The following LAMA1 variants were observed in gnomAD, a reference collection of about 807,000 sequenced individuals.
The protein encoded by LAMA1 is laminin subunit alpha-1.
LAMA1 carries 219 observed loss-of-function variants against 348.7 expected under a neutral mutation model. The observed-to-expected ratio is 0.63, with a 90% CI of 0.56 to 0.70. The LOEUF (loss-of-function observed/expected upper bound fraction) is 0.70, where lower values mean the gene tolerates loss of function less well. LAMA1 is among the 30% of genes least tolerant of loss of function. LAMA1 has a pLI of 0.00. For synonymous variants in LAMA1, 1,487 were observed against 1,491.0 expected, an observed-to-expected ratio of 1.00 and a Z score of 0.06; for missense variants, 3,744 against 3,888.0, an observed-to-expected ratio of 0.96 and a Z score of 0.99.
At chr18:6,948,718 AAGTT>A (rs1166864727) in intron 59 of LAMA1, among the ~76,000 whole-genome samples, 162 bp from the exon 60 acceptor site, 5 of 152,222 alleles carry the variant, frequency 3.3e-5, no homozygotes, top group Admixed American at 3.3e-4. Flanking sequence ...ATGAATGTCT[AAGTT>A]AGAGCTACCA....
At chr18:6,994,554 A>G (rs1234231012) in intron 34 of LAMA1, among the ~76,000 whole-genome samples, 1 of 152,162 alleles carries the variant, frequency 6.6e-6, no homozygotes, top group Non-Finnish European at 1.5e-5. Flanking sequence ...TTTCCAAAAC[A>G]TCGTTAATTC....
At chr18:6,995,029 T>C (rs2057774961) in intron 34 of LAMA1, among the ~76,000 whole-genome samples, 1 of 152,162 alleles carries the variant, frequency 6.6e-6, no homozygotes, top group Non-Finnish European at 1.5e-5. Context: ...TGAATGAATT[T>C]AGGAGAAGGA....
rs756589179 is a variant in LAMA1, at chr18:6,965,419, G to C, written c.7064C>G (p.Ser2355Cys). ...CACTCTGCCACGAAACAGCTCGATG[G>C]ATAAAAAGTCTTTCTGTAAAAAAGA... ...LGSYGTKDFL[S>C]IELFRGRVKV... Residue 2355 changes from serine (S) to cysteine (C), a missense_variant, in exon 50 of 63, where the codon TCC becomes TGC. Ser to Cys is a moderately radical substitution (Grantham distance 112, BLOSUM62 -1). Transcript: ENST00000389658. 2 of 1,614,002 alleles carry C rather than the reference G, an allele frequency of 1.2e-6. No homozygotes were observed. Among genetic ancestry groups the C allele is most frequent in the East Asian group, 2.2e-5 (1 of 44,890 alleles).
chr18:7,041,876 T>A (rs567110905), intron 9 of LAMA1, among the ~76,000 whole-genome samples: 3 of 152,200 alleles, frequency 2.0e-5, no homozygotes, highest in African/African-American at 7.2e-5. Flanking sequence ...TTTATGTCCA[T>A]GACACTACCT....
At chr18:7,088,283 G>A (rs2058225699) in intron 1 of LAMA1, among the ~76,000 whole-genome samples, 1 of 151,972 alleles carries the variant, frequency 6.6e-6, no homozygotes, top group Non-Finnish European at 1.5e-5. Context: ...TATTGTTCTT[G>A]CTGCTGTTGG....
At chr18:6,967,762 G>C (rs1422118990) in intron 48 of LAMA1, among the ~76,000 whole-genome samples, 1 of 151,970 alleles carries the variant, frequency 6.6e-6, no homozygotes, top group East Asian at 1.9e-4. Flanking sequence ...AATTTGTCTT[G>C]GTCCTCAGTG....
At chr18:6,975,798 T>TA (rs2057678944) in intron 45 of LAMA1, 139 bp downstream of exon 45, 1 of 993,354 alleles carries the variant, frequency 1.0e-6, no homozygotes, top group Non-Finnish European at 1.5e-6. Context: ...ATGCTACCAT[T>TA]TTAACAAAGG....
intron 3 of LAMA1, among the ~76,000 whole-genome samples, chr18:7,070,395 C>T (rs1188792132): frequency 2.0e-5 from 3 of 152,156 alleles, no homozygotes; most frequent in East Asian, 1.9e-4. Flanking sequence ...AATTTAGATG[C>T]AATTCTTGCA....
At chr18:7,047,076 G>A (rs1185521317) in intron 5 of LAMA1, among the ~76,000 whole-genome samples, 10 of 145,246 alleles carry the variant, frequency 6.9e-5, no homozygotes, top group African/African-American at 1.8e-4. Context: ...ACAGAGTCTC[G>A]GTCTATCACC....
chr18:7,041,534 C>A (rs1352480906), intron 9 of LAMA1, among the ~76,000 whole-genome samples: 4 of 152,166 alleles, frequency 2.6e-5, no homozygotes, highest in Non-Finnish European at 2.9e-5. Flanking sequence ...GATGGGGTCA[C>A]AAGAGTCTTT....
intron 6 of LAMA1, among the ~76,000 whole-genome samples, 193 bp from the exon 7 acceptor site, chr18:7,045,032 A>G (rs1000046772): frequency 8.5e-5 from 13 of 152,210 alleles, no homozygotes; most frequent in Admixed American, 6.6e-4. Flanking sequence ...TACAAACAGA[A>G]ATGAAGAGGA....
chr18:6,972,015 T>C, intron 47 of LAMA1, 34 bp from the exon 48 acceptor site: 6 of 1,611,650 alleles, frequency 3.7e-6, no homozygotes, highest in South Asian at 1.1e-5. Flanking sequence ...ATAACCAATA[T>C]ATAAGCTGAC....
At chr18:6,949,493 C>G (rs536660785) in intron 58 of LAMA1, among the ~76,000 whole-genome samples, 1 of 152,302 alleles carries the variant, frequency 6.6e-6, no homozygotes, top group East Asian at 1.9e-4. Context: ...TGAAAGAAAT[C>G]TGACATAGAA....
intron 26 of LAMA1, 33 bp downstream of exon 26, chr18:7,010,167 T>A (rs2144113423): frequency 6.2e-7 from 1 of 1,610,356 alleles, no homozygotes; most frequent in South Asian, 1.1e-5. Context: ...TCAATGTCTT[T>A]AAGGAACTTC....
intron 44 of LAMA1, 26 bp from the exon 45 acceptor site, chr18:6,976,106 C>A: frequency 6.2e-7 from 1 of 1,613,700 alleles, no homozygotes; most frequent in East Asian, 2.2e-5. Flanking sequence ...GAAAGTGTCC[C>A]CATCATTTAG....
In LAMA1 at chr18:7,016,664, T is replaced by C. The variant is rs757613343; in HGVS notation, c.2816A>G (p.Tyr939Cys). The change falls in exon 21 of 63, where the codon TAT (tyrosine) becomes TGT (cysteine). Residue 939 changes from tyrosine (Y) to cysteine (C), a missense_variant. Coordinates refer to ENST00000389658, the MANE Select transcript of LAMA1 (RefSeq NM_005559.4). ...GQQCDQCLHG[Y>C]YGLDSGHGCR... ...GCCATGGCCTGAGTCCAGCCCATAA[T>C]AGCCATGCTGTTTCACCAAAGGGGG... 1.2e-6 allele frequency: 2 copies of C among 1,612,796 alleles called. No individual in the cohort carries two copies. Among genetic ancestry groups the C allele is most frequent in the South Asian group, 1.1e-5 (1 of 90,798 alleles).
At chr18:7,020,366 C>T (rs1277474469) in intron 19 of LAMA1, among the ~76,000 whole-genome samples, 2 of 152,136 alleles carry the variant, frequency 1.3e-5, no homozygotes, top group African/African-American at 4.8e-5. Flanking sequence ...CTGGGTTGAA[C>T]TATACGCGCT....
At position 7,036,396 on chromosome 18, in the gene LAMA1, C is replaced by T. The variant is rs149192487; in HGVS notation, c.1738-308G>A. On this transcript the variant is annotated intron_variant, in intron 12 of 62. Coordinates refer to ENST00000389658, the MANE Select transcript of LAMA1 (RefSeq NM_005559.4). ...TTAATCACACAATAGATATTTACTT[C>T]GGTTAAGTAATTTAGGGGATGAGGA... Among the ~76,000 whole-genome samples, 78 of 152,318 alleles carry T rather than the reference C, an allele frequency of 5.1e-4. 1 individual carries two copies. In the East Asian group the frequency reaches 0.014, roughly 26 times the overall value.
chr18:7,057,433 T>C (rs1461838105), intron 3 of LAMA1, among the ~76,000 whole-genome samples: 3 of 151,888 alleles, frequency 2.0e-5, no homozygotes, highest in Admixed American at 2.0e-4. Flanking sequence ...CCTTTCACTT[T>C]AACCAGTGTC....
Sources: allele counts gnomAD v4.1 joint callset (sites outside exome capture counted in the v4.1 genomes callset), GRCh38; gene constraint gnomAD v4.1.1; transcripts MANE v1.5; gene names NCBI Gene and HGNC (gene_info 2026-07-23, HGNC 2026-07-21).